CTNNA2: variants seen among roughly 807,000 people sequenced by gnomAD.
The protein encoded by CTNNA2 is catenin alpha 2, also known as catenin alpha-2.
Under a neutral mutation model 101.0 loss-of-function variants are expected in CTNNA2, and 42 were observed. The observed-to-expected ratio is 0.42, with a 90% confidence interval of 0.32 to 0.54. The LOEUF (loss-of-function observed/expected upper bound fraction) is 0.54, where lower values mean the gene tolerates loss of function less well. Ranked by LOEUF, CTNNA2 falls within the 20% of genes least tolerant of loss-of-function variation. The probability of loss-of-function intolerance (pLI) is 0.14; values close to 1 mark genes in which losing one functional copy is unlikely to be tolerated. For missense variants in CTNNA2, 871 were observed against 1,223.1 expected (o/e 0.71, Z 4.29); for synonymous variants, 450 against 456.4 (o/e 0.99, Z 0.18).
At chr2:80,600,629 TA>T (rs1378541844) in intron 15 of CTNNA2, among the ~76,000 whole-genome samples, 3 of 152,146 alleles carry the variant, frequency 2.0e-5, no homozygotes, top group African/African-American at 7.2e-5. Flanking sequence ...AAATGAAAAT[TA>T]TTTTTTTAAT....
At chr2:79,728,907 G>A (rs561034870) in intron 2 of CTNNA2, among the ~76,000 whole-genome samples, 174 of 152,204 alleles carry the variant, frequency 1.1e-3, no homozygotes, top group African/African-American at 4.0e-3. Flanking sequence ...GTTATTTTCT[G>A]AGGGCTCTGT....
intron 3 of CTNNA2, among the ~76,000 whole-genome samples, chr2:79,842,061 T>G (rs143552033): frequency 6.6e-6 from 1 of 152,336 alleles, no homozygotes; most frequent in East Asian, 1.9e-4. Flanking sequence ...TTTCAAATTA[T>G]GGTTCATGAA....
intron 1 of CTNNA2, among the ~76,000 whole-genome samples, chr2:79,607,715 G>A (rs1677986297): frequency 6.6e-6 from 1 of 152,172 alleles, no homozygotes. Flanking sequence ...AATGTTTTAA[G>A]TTGAATGAAA....
chr2:80,414,212 A>C (rs1679841339), intron 8 of CTNNA2, among the ~76,000 whole-genome samples: 1 of 152,158 alleles, frequency 6.6e-6, no homozygotes, highest in Non-Finnish European at 1.5e-5. Context: ...AAGGATTATA[A>C]AGTAGTATTT....
intron 1 of CTNNA2, among the ~76,000 whole-genome samples, chr2:79,629,560 A>T (rs1679547407): frequency 6.6e-6 from 1 of 152,160 alleles, no homozygotes; most frequent in Non-Finnish European, 1.5e-5. Flanking sequence ...TGTGTGGCTG[A>T]GATGGAGCAA....
intron 1 of CTNNA2, among the ~76,000 whole-genome samples, chr2:79,195,301 G>C (rs1457699871): frequency 6.6e-6 from 1 of 152,138 alleles, no homozygotes; most frequent in Non-Finnish European, 1.5e-5. Flanking sequence ...ACCCTTTTCA[G>C]AATATTTCAT....
intron 4 of CTNNA2, among the ~76,000 whole-genome samples, chr2:79,431,719 C>G (rs1053385295): frequency 2.6e-5 from 4 of 152,272 alleles, no homozygotes; most frequent in African/African-American, 9.6e-5. Flanking sequence ...CTCTCTCACC[C>G]ATAGGCAGAA....
At chr2:79,739,969 G>C (rs1453768595) in intron 2 of CTNNA2, among the ~76,000 whole-genome samples, 1 of 152,098 alleles carries the variant, frequency 6.6e-6, no homozygotes, top group Non-Finnish European at 1.5e-5. Context: ...CTGATCTTTA[G>C]TATATCTTGG....
intron 2 of CTNNA2, among the ~76,000 whole-genome samples, chr2:79,241,497 T>C (rs1476095561): frequency 2.0e-5 from 3 of 152,072 alleles, no homozygotes; most frequent in Non-Finnish European, 4.4e-5. Flanking sequence ...AGACAAAATT[T>C]TAGGAGCTGA....
Position 79,737,164 on chromosome 2 carries a change from A to G in CTNNA2, c.103-7223A>G, listed in dbSNP as rs564639903. Among the ~76,000 whole-genome samples the G allele has an allele frequency of 2.1e-3, 324 of 152,260 alleles. 2 individuals carry two copies. Among genetic ancestry groups the G allele is most frequent in the African/African-American group, 7.3e-3 (305 of 41,552 alleles). On this transcript the variant is annotated intron_variant, in intron 2 of 18. Transcript: ENST00000402739. ...GGAGTTTGAGACCAGCCTGGCCAAC[A>G]TGGCGAAACCCCGTCTCTACTAAAA...
At chr2:79,875,004 T>C (rs1198052003) in intron 6 of CTNNA2, among the ~76,000 whole-genome samples, 1 of 152,206 alleles carries the variant, frequency 6.6e-6, no homozygotes, top group African/African-American at 2.4e-5. Context: ...TCAATTTCTT[T>C]GTTTTAAATC....
At chr2:79,703,976 A>T (rs149369488) in intron 2 of CTNNA2, among the ~76,000 whole-genome samples, 1,978 of 152,232 alleles carry the variant, frequency 0.013, 22 homozygotes, top group Non-Finnish European at 0.022. Context: ...TATCTCTTTT[A>T]TCTAAATTAA....
chr2:80,498,043 T>C (rs1036235465), intron 9 of CTNNA2, among the ~76,000 whole-genome samples: 12 of 152,228 alleles, frequency 7.9e-5, no homozygotes, highest in African/African-American at 2.9e-4. Flanking sequence ...TTTCTATTTA[T>C]TTGTTATGCA....
intron 3 of CTNNA2, among the ~76,000 whole-genome samples, chr2:79,831,371 G>A (rs1229308786): frequency 1.3e-5 from 2 of 152,060 alleles, no homozygotes; most frequent in East Asian, 1.9e-4. Flanking sequence ...TAACTCCAGC[G>A]TAATCATATT....
chr2:79,539,558 A>G (rs1454825872), intron 1 of CTNNA2, among the ~76,000 whole-genome samples: 1 of 152,230 alleles, frequency 6.6e-6, no homozygotes, highest in African/African-American at 2.4e-5. Flanking sequence ...CTCTGATTTT[A>G]TCTTTATATT....
intron 18 of CTNNA2, among the ~76,000 whole-genome samples, chr2:80,628,473 A>C: frequency 6.6e-6 from 1 of 151,334 alleles, no homozygotes; most frequent in Non-Finnish European, 1.5e-5. Flanking sequence ...ATCTACAACC[A>C]GTTTTCCCAA....
intron 7 of CTNNA2, among the ~76,000 whole-genome samples, chr2:80,215,575 C>A (rs1035733705): frequency 6.6e-6 from 1 of 152,204 alleles, no homozygotes; most frequent in Non-Finnish European, 1.5e-5. Flanking sequence ...TGCAGAACAG[C>A]AAATATTGCA....
At chr2:80,026,834 A>G (rs1302998293) in intron 7 of CTNNA2, among the ~76,000 whole-genome samples, 2 of 152,230 alleles carry the variant, frequency 1.3e-5, no homozygotes, top group Non-Finnish European at 2.9e-5. Context: ...TGAAAAATAT[A>G]TATAATCCCT....
intron 7 of CTNNA2, among the ~76,000 whole-genome samples, chr2:80,036,646 C>A (rs139557337): frequency 2.6e-5 from 4 of 152,104 alleles, no homozygotes; most frequent in African/African-American, 9.6e-5. Context: ...AATAGAAACA[C>A]TCAAGGAGAT....
Sources: allele counts gnomAD v4.1 joint callset (sites outside exome capture counted in the v4.1 genomes callset), GRCh38; gene constraint gnomAD v4.1.1; transcripts MANE v1.5; gene names NCBI Gene and HGNC (gene_info 2026-07-23, HGNC 2026-07-21).